Variants in MAST4 observed in about 807,000 individuals in gnomAD.
MAST4 encodes the protein microtubule associated serine/threonine kinase family member 4.
MAST4 carries 89 observed loss-of-function variants against 162.7 expected under a neutral mutation model. The observed-to-expected ratio is 0.55, with a 90% CI of 0.46 to 0.65. The LOEUF is 0.65. Among genes scored for constraint, MAST4 ranks in the 30% least tolerant of loss-of-function variants. The pLI is 0.00. For synonymous variants in MAST4, 1,479 were observed against 1,361.1 expected (o/e 1.09, Z -1.91); for missense variants, 3,153 against 3,374.0 (o/e 0.93, Z 1.62).
intron 28 of MAST4, 145 bp downstream of exon 28, chr5:67,162,933 G>A (rs1773374221): frequency 2.0e-6 from 2 of 1,019,024 alleles, no homozygotes; most frequent in Non-Finnish European, 2.8e-6. Context: ...GAGGTCATAA[G>A]ATGTGGCTAT....
chr5:66,730,852 C>T (rs1283297766), intron 1 of MAST4, among the ~76,000 whole-genome samples: 4 of 151,674 alleles, frequency 2.6e-5, no homozygotes. Flanking sequence ...CATATACCAA[C>T]CCCTCCCCCT....
chr5:66,716,485 A>G (rs907169972), intron 1 of MAST4, among the ~76,000 whole-genome samples: 18 of 151,980 alleles, frequency 1.2e-4, no homozygotes, highest in Admixed American at 3.9e-4. Flanking sequence ...AGCTGGGACT[A>G]CAGGTGTACA....
At chr5:66,880,268 A>C (rs1012150504) in intron 3 of MAST4, among the ~76,000 whole-genome samples, 3 of 152,194 alleles carry the variant, frequency 2.0e-5, no homozygotes, top group Non-Finnish European at 4.4e-5. Flanking sequence ...ATATTTGCTC[A>C]TATTTTGCTC....
At chr5:67,048,865 A>G (rs1475723638) in intron 4 of MAST4, among the ~76,000 whole-genome samples, 1 of 151,012 alleles carries the variant, frequency 6.6e-6, no homozygotes, top group African/African-American at 2.4e-5. Context: ...ACTAAAAGGT[A>G]ACTGTTAATT....
intron 3 of MAST4, among the ~76,000 whole-genome samples, chr5:66,890,311 A>G (rs1762287884): frequency 6.6e-6 from 1 of 152,190 alleles, no homozygotes; most frequent in Admixed American, 6.5e-5. Context: ...AAGCATGTAA[A>G]CTTTGACTTA....
At chr5:67,148,559 A>AT (rs900308164) in intron 23 of MAST4, among the ~76,000 whole-genome samples, 4 of 152,000 alleles carry the variant, frequency 2.6e-5, no homozygotes, top group Admixed American at 6.5e-5. Flanking sequence ...GGAAGCCCTA[A>AT]TTTTTTTTAA....
intron 4 of MAST4, among the ~76,000 whole-genome samples, chr5:66,929,414 C>T (rs1741932066): frequency 6.6e-6 from 1 of 152,144 alleles, no homozygotes; most frequent in Admixed American, 6.5e-5. Context: ...TCACTTAGTT[C>T]ATGGACTCAT....
intron 2 of MAST4, among the ~76,000 whole-genome samples, chr5:66,766,893 A>G (rs1365818615): frequency 1.3e-5 from 2 of 152,168 alleles, no homozygotes; most frequent in African/African-American, 2.4e-5. Flanking sequence ...GCTTAACACA[A>G]TAGTAGTTTA....
At chr5:66,982,692 C>G (rs989401207) in intron 4 of MAST4, among the ~76,000 whole-genome samples, 1 of 152,196 alleles carries the variant, frequency 6.6e-6, no homozygotes, top group South Asian at 2.1e-4. Context: ...TTTGTTCTCC[C>G]TAGCTGATAT....
At chr5:66,924,490 T>C (rs1032106968) in intron 4 of MAST4, among the ~76,000 whole-genome samples, 34 of 151,746 alleles carry the variant, frequency 2.2e-4, no homozygotes, top group African/African-American at 8.0e-4. Context: ...GCCTCCCAGG[T>C]TCACGCCGTT....
rs546357126 is a variant in MAST4, at chr5:67,136,684, A to C, written c.2494+20A>C. On this transcript the variant is annotated intron_variant, in intron 19 of 28. Coordinates refer to ENST00000403625, the MANE Select transcript of MAST4 (RefSeq NM_001164664.2). ...GAACAGGTTAGAGCCCATGTGTTTT[A>C]ATTTTGCTAATATGCAAGAAATAAT... 8.4e-6 allele frequency: 13 copies of C among 1,546,728 alleles called. No individual in the cohort carries two copies. The South Asian group carries it at 1.4e-4, about 17-fold the overall frequency.
intron 4 of MAST4, among the ~76,000 whole-genome samples, chr5:67,051,861 C>A (rs536623579): frequency 6.6e-6 from 1 of 152,212 alleles, no homozygotes; most frequent in South Asian, 2.1e-4. Flanking sequence ...ATTATATAAA[C>A]ACTGGCTTTG....
rs758352379 is a variant in MAST4, at chr5:67,163,104, A to G, written c.3968-43A>G. ...GGCTACAACTGTGAAAAAAAGGGGAAAATGACCATGGATGCTCACAGCCTT... is the reference window on the plus strand; with the variant it reads ...GGCTACAACTGTGAAAAAAAGGGGAGAATGACCATGGATGCTCACAGCCTT... On this transcript the variant is annotated intron_variant, in intron 28 of 28. Transcript: ENST00000403625. The surrounding 1 kb of genome is among the most constrained non-coding windows in gnomAD (Gnocchi z 7.0). 35 of 1,558,760 alleles carry G rather than the reference A, an allele frequency of 2.2e-5. No individual in the cohort carries two copies. The highest frequency in any genetic ancestry group is 3.1e-5 in the Non-Finnish European group (35 of 1,146,786).
chr5:67,117,674 T>G (rs1013869118), intron 12 of MAST4, among the ~76,000 whole-genome samples: 3 of 152,036 alleles, frequency 2.0e-5, no homozygotes, highest in Non-Finnish European at 4.4e-5. Flanking sequence ...AAAATATTAA[T>G]TATCTGTGAT....
chr5:67,038,533 C>G (rs1348607713), intron 4 of MAST4, among the ~76,000 whole-genome samples: 1 of 152,122 alleles, frequency 6.6e-6, no homozygotes, highest in East Asian at 1.9e-4. Flanking sequence ...TACCTTAAAA[C>G]AAGAAAACCA....
chr5:67,024,484 TACATATCTA>T (rs199562085), intron 4 of MAST4, among the ~76,000 whole-genome samples: 3,316 of 151,734 alleles, frequency 0.022, 54 homozygotes, highest in African/African-American at 0.042. Flanking sequence ...TATAGATATA[TACATATCTA>T]TATATACACA....
At chr5:66,832,372 G>GT (rs570569079) in intron 3 of MAST4, among the ~76,000 whole-genome samples, 116 of 151,474 alleles carry the variant, frequency 7.7e-4, no homozygotes, top group African/African-American at 2.7e-3. Flanking sequence ...GTGTGTTTAG[G>GT]TTTTTTTTTG....
intron 3 of MAST4, among the ~76,000 whole-genome samples, chr5:66,835,028 G>A (rs772205867): frequency 1.3e-5 from 2 of 152,052 alleles, no homozygotes; most frequent in Non-Finnish European, 2.9e-5. Context: ...TGCTATCACC[G>A]GAATGCAATG....
intron 11 of MAST4, among the ~76,000 whole-genome samples, chr5:67,112,501 T>C (rs1261831095): frequency 6.6e-6 from 1 of 152,202 alleles, no homozygotes; most frequent in East Asian, 1.9e-4. Flanking sequence ...CCTGTGCCTC[T>C]CACCGTCTGG....
Sources: allele counts gnomAD v4.1 joint callset (sites outside exome capture counted in the v4.1 genomes callset), GRCh38; gene constraint gnomAD v4.1.1; non-coding constraint Gnocchi (gnomAD v3.1); transcripts MANE v1.5; gene names NCBI Gene and HGNC (gene_info 2026-07-23, HGNC 2026-07-21).